The following FAT3 variants were observed in gnomAD, a reference collection of about 807,000 sequenced individuals.
FAT3 encodes protocadherin Fat 3.
Under a neutral mutation model 310.2 loss-of-function variants are expected in FAT3, and 95 were observed. The observed-to-expected ratio is 0.31, with a 90% CI of 0.26 to 0.36. The LOEUF (loss-of-function observed/expected upper bound fraction) is 0.36. Among genes scored for constraint, FAT3 ranks in the 10% least tolerant of loss-of-function variants. The probability of loss-of-function intolerance (pLI) is 1.00; values close to 1 mark genes in which losing one functional copy is unlikely to be tolerated. For synonymous variants in FAT3, 2,314 were observed against 2,192.9 expected, an observed-to-expected ratio of 1.06 and a Z score of -1.54; for missense variants, 5,408 against 5,715.6, an observed-to-expected ratio of 0.95 and a Z score of 1.74.
intron 1 of FAT3, among the ~76,000 whole-genome samples, chr11:92,290,482 C>A (rs1045350352): frequency 1.3e-5 from 2 of 152,090 alleles, no homozygotes; most frequent in South Asian, 4.1e-4. Context: ...AGAGGCCAGG[C>A]GTAGTGGCTC....
intron 1 of FAT3, among the ~76,000 whole-genome samples, chr11:92,244,479 A>C (rs1864811511): frequency 6.6e-6 from 1 of 152,110 alleles, no homozygotes; most frequent in African/African-American, 2.4e-5. Context: ...TGAATGACTA[A>C]AAGAGCTTGC....
intron 2 of FAT3, among the ~76,000 whole-genome samples, chr11:92,355,634 G>A (rs566405640): frequency 6.6e-6 from 1 of 152,198 alleles, no homozygotes; most frequent in South Asian, 2.1e-4. Context: ...GTTTTGTTTT[G>A]TTATTTTCTT....
At chr11:92,293,208 G>T (rs955501511) in intron 1 of FAT3, among the ~76,000 whole-genome samples, 2 of 151,504 alleles carry the variant, frequency 1.3e-5, no homozygotes, top group Admixed American at 1.3e-4. Flanking sequence ...TAAGAGGGTG[G>T]GAGCTAGAAG....
intron 3 of FAT3, among the ~76,000 whole-genome samples, chr11:92,535,784 G>T (rs533195694): frequency 2.6e-5 from 4 of 151,270 alleles, no homozygotes; most frequent in Non-Finnish European, 4.5e-5. Context: ...CAAGACTTCT[G>T]AAAGATAACC....
At chr11:92,314,193 G>C (rs757685397) in intron 1 of FAT3, 107 of 444,182 alleles carry the variant, frequency 2.4e-4, no homozygotes, top group Non-Finnish European at 3.0e-4. Context: ...TTAGATACTT[G>C]GTCCAATCCT....
Position 92,798,362 on chromosome 11 carries a change from A to G in FAT3, c.5349A>G (p.Pro1783=), listed in dbSNP as rs773145463. 1 of 1,613,518 alleles carries G rather than the reference A, an allele frequency of 6.2e-7. No homozygotes were observed. Among genetic ancestry groups the G allele is most frequent in the South Asian group, 1.1e-5 (1 of 91,046 alleles). Residue 1783 remains proline (P), a synonymous_variant, in exon 10 of 28, where the codon CCA becomes CCG. Transcript: ENST00000525166. The part of the protein sequence containing the change: ...QYSGSLSEAA[P]INSIVRSLDN... ...CAGGCAGCCTAAGTGAGGCTGCCCCAATTAATAGCATTGTCAGGAGCTTGG... is the reference window on the plus strand; with the variant it reads ...CAGGCAGCCTAAGTGAGGCTGCCCCGATTAATAGCATTGTCAGGAGCTTGG...
rs530050079 is a variant in FAT3 at position 92,558,324 on chromosome 11, A to G, written c.3607+33376A>G. ...TAAGCTCTTGCTTAAACTAGCATTCAATTACTTTTCAAGTGGTCTCAGAAG... is the reference window on the plus strand; with the variant it reads ...TAAGCTCTTGCTTAAACTAGCATTCGATTACTTTTCAAGTGGTCTCAGAAG... On this transcript the variant is annotated intron_variant, in intron 3 of 27. Coordinates refer to ENST00000525166, the MANE Select transcript of FAT3 (RefSeq NM_001367949.2). 6.6e-5 allele frequency among the ~76,000 whole-genome samples: 10 copies of G among 152,196 alleles called. No individual in the cohort carries two copies. In the South Asian group the frequency reaches 1.9e-3, roughly 28 times the overall value.
chr11:92,651,318 G>C lies in FAT3; in HGVS notation c.3608-46066G>C, dbSNP rs140674349. Among the ~76,000 whole-genome samples, 696 of 152,314 alleles carry C rather than the reference G, an allele frequency of 4.6e-3. 1 individual carries two copies. The highest frequency in any genetic ancestry group is 0.012 in the South Asian group (57 of 4,828). On this transcript the variant is annotated intron_variant, in intron 3 of 27. Transcript: ENST00000525166. ...AATTGTGAAGATGGCTGGGCTGAAG[G>C]GAGTCAGGGAAACAAGCACCTTTGA...
intron 4 of FAT3, among the ~76,000 whole-genome samples, chr11:92,707,302 A>G (rs1944385814): frequency 6.6e-6 from 1 of 152,228 alleles, no homozygotes; most frequent in Non-Finnish European, 1.5e-5. Flanking sequence ...CATGGTGCAC[A>G]GGCAGATAAT....
chr11:92,651,818 T>C (rs571788207), intron 3 of FAT3, among the ~76,000 whole-genome samples: 1 of 152,300 alleles, frequency 6.6e-6, no homozygotes, highest in Non-Finnish European at 1.5e-5. Flanking sequence ...AAAGCTATAG[T>C]TGTCAAAATT....
chr11:92,470,353 G>GT (rs1951873714), intron 2 of FAT3, among the ~76,000 whole-genome samples: 1 of 152,210 alleles, frequency 6.6e-6, no homozygotes, highest in African/African-American at 2.4e-5. Flanking sequence ...TCCACCATCA[G>GT]TTATATAATG....
Position 92,896,325 on chromosome 11 carries a change from G to GAAAAAAAAAAAAAAAGAAAAAA in FAT3, c.*5222_*5223insAAAAAGAAAAAAAAAAAAAAAA, listed in dbSNP as rs140558753. 1 of 67,650 alleles carries GAAAAAAAAAAAAAAAGAAAAAA rather than the reference G, an allele frequency of 1.5e-5. No homozygotes were observed. Among genetic ancestry groups the GAAAAAAAAAAAAAAAGAAAAAA allele is most frequent in the Non-Finnish European group, 3.2e-5 (1 of 31,000 alleles). The allele number at this position is 67,650 out of a possible 1,614,324, so 4.2% of individuals were successfully genotyped here. A position where few individuals can be genotyped will look rare whatever the true frequency, so the allele number is the denominator to read the frequency against. On this transcript the variant is annotated 3_prime_UTR_variant, in exon 28 of 28. Coordinates refer to ENST00000525166, the MANE Select transcript of FAT3 (RefSeq NM_001367949.2). Reference sequence around the variant, plus strand: ...TTTTCTAAAAAAAAAGAAAAGAAAAGAAAAAAAAAACAAAAGCAAACAAAA... The same window carrying GAAAAAAAAAAAAAAAGAAAAAA: ...TTTTCTAAAAAAAAAGAAAAGAAAAGAAAAAAAAAAAAAAAGAAAAAAAAAAAAAAAACAAAAGCAAACAAAA...
At chr11:92,560,209 T>C (rs1955172079) in intron 3 of FAT3, among the ~76,000 whole-genome samples, 1 of 152,224 alleles carries the variant, frequency 6.6e-6, no homozygotes, top group Admixed American at 6.5e-5. Flanking sequence ...GCCAATGATG[T>C]TGAACATTTC....
chr11:92,467,711 G>C (rs985509683), intron 2 of FAT3, among the ~76,000 whole-genome samples: 1 of 152,162 alleles, frequency 6.6e-6, no homozygotes, highest in Non-Finnish European at 1.5e-5. Context: ...TTGATGATGG[G>C]TGTTGCTGAG....
chr11:92,819,200 A>G (rs1947898334), intron 13 of FAT3, among the ~76,000 whole-genome samples: 1 of 152,200 alleles, frequency 6.6e-6, no homozygotes, highest in Non-Finnish European at 1.5e-5. Context: ...GTTAACAGAC[A>G]TTCAATTAAT....
chr11:92,434,682 C>T (rs1041876253), intron 2 of FAT3, among the ~76,000 whole-genome samples: 1 of 152,104 alleles, frequency 6.6e-6, no homozygotes, highest in African/African-American at 2.4e-5. Flanking sequence ...CTCACTAGGC[C>T]CATTTCCTCC....
At chr11:92,297,369 T>C (rs560767121) in intron 1 of FAT3, among the ~76,000 whole-genome samples, 14 of 152,176 alleles carry the variant, frequency 9.2e-5, no homozygotes, top group Non-Finnish European at 1.6e-4. Flanking sequence ...TATCTAACAC[T>C]GAGCCTTGTA....
chr11:92,289,352 T>C (rs1012388971), intron 1 of FAT3, among the ~76,000 whole-genome samples: 3 of 152,068 alleles, frequency 2.0e-5, no homozygotes, highest in Non-Finnish European at 4.4e-5. Flanking sequence ...GCATCCTGAA[T>C]AGGATCTTTA....
chr11:92,636,012 C>T (rs779919337), intron 3 of FAT3, among the ~76,000 whole-genome samples: 6 of 152,044 alleles, frequency 3.9e-5, no homozygotes, highest in Admixed American at 6.6e-5. Flanking sequence ...CGCCCAGACT[C>T]GAATGCAGTG....
Sources: gnomAD v4.1 joint callset for allele counts (sites outside exome capture counted in the v4.1 genomes callset) on GRCh38, gnomAD v4.1.1 for gene constraint, MANE v1.5 for transcripts, NCBI Gene and HGNC (gene_info 2026-07-23, HGNC 2026-07-21) for gene names.